The following GRID2 variants were observed in gnomAD, a reference collection of about 807,000 sequenced individuals.
The protein encoded by GRID2 is glutamate ionotropic receptor delta type subunit 2.
In GRID2, 33 loss-of-function variants were observed where a neutral mutation model predicts 114.8. The ratio of observed to expected loss-of-function variants is 0.29; its 90% CI spans 0.22 to 0.38. The LOEUF is 0.38. Among genes scored for constraint, GRID2 ranks in the 10% least tolerant of loss-of-function variants. The pLI, the probability that GRID2 is intolerant of heterozygous loss-of-function variation, is 1.00. For missense variants in GRID2, 1,184 were observed against 1,257.7 expected (o/e 0.94, Z 0.89); for synonymous variants, 505 against 449.9 (o/e 1.12, Z -1.55).
chr4:92,364,839 C>T (rs111708232), intron 1 of GRID2, among the ~76,000 whole-genome samples: 4 of 151,946 alleles, frequency 2.6e-5, no homozygotes, highest in African/African-American at 9.7e-5. Flanking sequence ...GAGTGAGACT[C>T]CCCCTGTAAT....
intron 1 of GRID2, among the ~76,000 whole-genome samples, chr4:92,421,065 G>GT (rs1373569961): frequency 1.3e-5 from 2 of 151,674 alleles, no homozygotes; most frequent in African/African-American, 2.4e-5. Context: ...AGTTCTTTTT[G>GT]TTTTTTTCAG....
At chr4:92,515,491 T>C (rs2149135153) in intron 1 of GRID2, among the ~76,000 whole-genome samples, 1 of 152,060 alleles carries the variant, frequency 6.6e-6, no homozygotes. Flanking sequence ...AGGTTGGATT[T>C]CAGCTCAGAA....
intron 2 of GRID2, among the ~76,000 whole-genome samples, chr4:92,917,911 G>T (rs1175450711): frequency 6.6e-6 from 1 of 152,114 alleles, no homozygotes; most frequent in Non-Finnish European, 1.5e-5. Context: ...GCTTAATGGG[G>T]ATGGCATTGA....
At chr4:93,127,533 C>G (rs1053213526) in intron 4 of GRID2, among the ~76,000 whole-genome samples, 4 of 152,214 alleles carry the variant, frequency 2.6e-5, no homozygotes, top group Non-Finnish European at 5.9e-5. Context: ...GTGCCAGACA[C>G]TGCTGTATGT....
At chr4:93,755,672 A>G (rs899899215) in intron 14 of GRID2, among the ~76,000 whole-genome samples, 10 of 152,230 alleles carry the variant, frequency 6.6e-5, no homozygotes, top group Admixed American at 2.0e-4. Flanking sequence ...ATAAAATGCT[A>G]TACATTTAAT....
chr4:92,736,667 C>T (rs1387564191), intron 2 of GRID2, among the ~76,000 whole-genome samples: 1 of 152,072 alleles, frequency 6.6e-6, no homozygotes, highest in Non-Finnish European at 1.5e-5. Context: ...TTACTCTTCT[C>T]TCCATCTTAG....
chr4:92,607,186 G>A (rs1256707874), intron 2 of GRID2, among the ~76,000 whole-genome samples: 5 of 151,868 alleles, frequency 3.3e-5, no homozygotes, highest in South Asian at 2.1e-4. Flanking sequence ...CATGCTTAGC[G>A]TTCCAATAAT....
intron 14 of GRID2, among the ~76,000 whole-genome samples, chr4:93,728,940 A>G (rs962516088): frequency 2.6e-5 from 4 of 152,084 alleles, no homozygotes; most frequent in Non-Finnish European, 5.9e-5. Context: ...CTCTTTTTCC[A>G]GTTTGCCAGT....
In GRID2 at chr4:92,442,992, C is replaced by T. The variant is rs376900984; in HGVS notation, c.88+138248C>T. 8.1e-3 allele frequency among the ~76,000 whole-genome samples: 1,235 copies of T among 151,946 alleles called. 10 individuals carry two copies. The highest frequency in any genetic ancestry group is 0.025 in the African/African-American group (1,042 of 41,434). On this transcript the variant is annotated intron_variant, in intron 1 of 15. Transcript: ENST00000282020. ...AGCGGAGGCTGAGGAAGAATTGGGA[C>T]CTAGCTCGGCCTGGCGAGGAGCAGC...
At chr4:93,601,483 G>A (rs1739679930) in intron 13 of GRID2, among the ~76,000 whole-genome samples, 1 of 152,032 alleles carries the variant, frequency 6.6e-6, no homozygotes. Flanking sequence ...TTCAATGAGG[G>A]GCATTTTAAC....
At chr4:93,610,542 A>C in intron 13 of GRID2, among the ~76,000 whole-genome samples, 1 of 6,272 alleles carries the variant, frequency 1.6e-4, no homozygotes. Flanking sequence ...GAATTTTGTC[A>C]AAGGCTTTTT....
intron 13 of GRID2, among the ~76,000 whole-genome samples, chr4:93,568,352 C>T (rs1735630148): frequency 6.6e-6 from 1 of 152,004 alleles, no homozygotes; most frequent in Non-Finnish European, 1.5e-5. Context: ...GTTGGTAATC[C>T]CCTTCTAGGG....
Position 93,215,827 on chromosome 4 carries a change from G to A in GRID2, c.790-911G>A, listed in dbSNP as rs190605885. On this transcript the variant is annotated intron_variant, in intron 5 of 15. Transcript: ENST00000282020. The stretch of plus-strand genomic sequence containing the variant: ...ATTTCTTAGATCAAACCTCAGAAAT[G>A]CTCACTGCAACCCAAAACTTATTTT... 7.2e-5 allele frequency among the ~76,000 whole-genome samples: 11 copies of A among 151,898 alleles called. No individual in the cohort carries two copies. In the East Asian group the frequency reaches 1.9e-3, roughly 27 times the overall value.
intron 1 of GRID2, among the ~76,000 whole-genome samples, chr4:92,422,307 G>T (rs184879287): frequency 6.6e-6 from 1 of 152,094 alleles, no homozygotes; most frequent in South Asian, 2.1e-4. Context: ...CCAGGGATTC[G>T]TTCAAAGAGA....
At chr4:93,497,067 C>A (rs1480230628) in intron 12 of GRID2, among the ~76,000 whole-genome samples, 1 of 150,564 alleles carries the variant, frequency 6.6e-6, no homozygotes. Context: ...TTTTTTTTAG[C>A]CTTGCTGATA....
chr4:92,930,634 G>A (rs923906322), intron 2 of GRID2, among the ~76,000 whole-genome samples: 5 of 133,452 alleles, frequency 3.7e-5, no homozygotes, highest in African/African-American at 1.4e-4. Context: ...TACAACATGT[G>A]AAGCATCAAA....
At chr4:93,761,007 A>C (rs1158072084) in intron 14 of GRID2, among the ~76,000 whole-genome samples, 1 of 152,224 alleles carries the variant, frequency 6.6e-6, no homozygotes, top group East Asian at 1.9e-4. Flanking sequence ...ATAAATGCTC[A>C]GATATATTTT....
rs376571366 is a variant in GRID2 at position 92,518,930 on chromosome 4, A to G, written c.89-71201A>G. Among the ~76,000 whole-genome samples the G allele has an allele frequency of 2.0e-5, 3 of 151,984 alleles. No homozygotes were observed. The East Asian group carries it at 5.9e-4, about 30-fold the overall frequency. On this transcript the variant is annotated intron_variant, in intron 1 of 15. Coordinates refer to ENST00000282020, the MANE Select transcript of GRID2 (RefSeq NM_001510.4). ...TTTGAAATAAATAGCCTATTGGGATAAAACATCACATTTACTTTAATCCAT... is the reference window on the plus strand; with the variant it reads ...TTTGAAATAAATAGCCTATTGGGATGAAACATCACATTTACTTTAATCCAT...
At chr4:93,753,435 C>T (rs1053301591) in intron 14 of GRID2, among the ~76,000 whole-genome samples, 6 of 152,130 alleles carry the variant, frequency 3.9e-5, no homozygotes, top group Admixed American at 3.9e-4. Flanking sequence ...TGTTGGTGTG[C>T]TGCACCCATT....
Sources: gnomAD v4.1 joint callset for allele counts (sites outside exome capture counted in the v4.1 genomes callset) on GRCh38, gnomAD v4.1.1 for gene constraint, MANE v1.5 for transcripts, NCBI Gene and HGNC (gene_info 2026-07-23, HGNC 2026-07-21) for gene names.